Variants in GALNT17 observed in about 807,000 individuals in gnomAD.
The protein encoded by GALNT17 is UDP-GalNAc:polypeptide N-acetylgalactosaminyltransferase-like 3.
GALNT17 carries 29 observed loss-of-function variants against 63.7 expected under a neutral mutation model. The ratio of observed to expected loss-of-function variants is 0.46; its 90% CI spans 0.34 to 0.62. The LOEUF is 0.62. Ranked by LOEUF, GALNT17 falls within the 20% of genes least tolerant of loss-of-function variation. The pLI is 0.01. For synonymous variants in GALNT17, 305 were observed against 318.3 expected (o/e 0.96, Z 0.45); for missense variants, 603 against 799.6 (o/e 0.75, Z 2.97).
In GALNT17 at chr7:71,361,826, G is replaced by A. The variant is rs548058754; in HGVS notation, c.422+26093G>A. 4.6e-5 allele frequency among the ~76,000 whole-genome samples: 7 copies of A among 152,224 alleles called. No homozygotes were observed. The East Asian group carries it at 1.4e-3, about 29-fold the overall frequency. ...AGAGAGACAGAGAGAGAGAGAGAGT[G>A]GGCAGGCAGGAAGATAAAAGGTTGA... On this transcript the variant is annotated intron_variant, in intron 2 of 10. Coordinates refer to ENST00000333538, the MANE Select transcript of GALNT17 (RefSeq NM_022479.3).
intron 2 of GALNT17, among the ~76,000 whole-genome samples, chr7:71,360,863 G>A (rs1482282723): frequency 6.6e-6 from 1 of 152,148 alleles, no homozygotes; most frequent in Non-Finnish European, 1.5e-5. Context: ...GCTTGAACCC[G>A]GGAGGCGGAG....
At chr7:71,400,459 T>A (rs1403093589) in intron 3 of GALNT17, among the ~76,000 whole-genome samples, 1 of 152,226 alleles carries the variant, frequency 6.6e-6, no homozygotes, top group Non-Finnish European at 1.5e-5. Flanking sequence ...TCATTCATAA[T>A]CTTTTTTGGC....
intron 5 of GALNT17, among the ~76,000 whole-genome samples, chr7:71,460,808 C>T (rs1230717358): frequency 6.6e-6 from 1 of 152,182 alleles, no homozygotes; most frequent in African/African-American, 2.4e-5. Context: ...GTTGCCATGG[C>T]ATTTGTAAAC....
chr7:71,687,669 G>A (rs887908308), intron 9 of GALNT17, among the ~76,000 whole-genome samples: 6 of 152,112 alleles, frequency 3.9e-5, no homozygotes, highest in Non-Finnish European at 8.8e-5. Flanking sequence ...GTCAAATCAG[G>A]GGATCTGTAG....
chr7:71,449,176 G>A (rs1026465095), intron 5 of GALNT17, among the ~76,000 whole-genome samples: 3 of 123,468 alleles, frequency 2.4e-5, no homozygotes, highest in Admixed American at 1.1e-4. Context: ...GCAGTGGCGC[G>A]ATCTTGGCTC....
chr7:71,256,127 T>C (rs544024824), intron 1 of GALNT17, among the ~76,000 whole-genome samples: 1 of 152,342 alleles, frequency 6.6e-6, no homozygotes, highest in East Asian at 1.9e-4. Flanking sequence ...TTTCTATTGA[T>C]AATAATTCTT....
At position 71,377,594 on chromosome 7, in the gene GALNT17, A is replaced by G. The variant is rs578071845; in HGVS notation, c.423-10641A>G. On this transcript the variant is annotated intron_variant, in intron 2 of 10. Coordinates refer to ENST00000333538, the MANE Select transcript of GALNT17 (RefSeq NM_022479.3). ...GAATTCTCTCCCCAGCAAAAACAAA[A>G]CAAAACAAAAATTCCTTGTCCATGC... Among the ~76,000 whole-genome samples the G allele has an allele frequency of 2.1e-4, 32 of 152,258 alleles. 2 individuals are homozygous for G. The South Asian group carries it at 5.8e-3, about 28-fold the overall frequency.
chr7:71,544,054 A>T (rs1013710895), intron 5 of GALNT17, among the ~76,000 whole-genome samples: 1 of 151,302 alleles, frequency 6.6e-6, no homozygotes, highest in Admixed American at 6.6e-5. Flanking sequence ...CAGCCCCCCA[A>T]AGGGCCAGGA....
At chr7:71,460,702 T>C (rs930671321) in intron 5 of GALNT17, among the ~76,000 whole-genome samples, 2 of 152,234 alleles carry the variant, frequency 1.3e-5, no homozygotes, top group Non-Finnish European at 2.9e-5. Context: ...GGCTGCTGGT[T>C]GCCCATTTTT....
intron 6 of GALNT17, among the ~76,000 whole-genome samples, chr7:71,664,489 T>C (rs2117043842): frequency 6.6e-6 from 1 of 152,266 alleles, no homozygotes; most frequent in East Asian, 1.9e-4. Context: ...CACGTACCTG[T>C]AGTCCCAGCT....
intron 1 of GALNT17, among the ~76,000 whole-genome samples, chr7:71,152,126 C>T (rs935348180): frequency 6.6e-6 from 1 of 152,022 alleles, no homozygotes; most frequent in Non-Finnish European, 1.5e-5. Context: ...ACCCGTCTTC[C>T]TGCAATTGAA....
intron 1 of GALNT17, among the ~76,000 whole-genome samples, chr7:71,233,915 G>A (rs571269755): frequency 2.0e-5 from 3 of 152,286 alleles, no homozygotes; most frequent in South Asian, 2.1e-4. Context: ...AAGCAGGCAC[G>A]TCTCACATGG....
chr7:71,265,120 T>A (rs10464193), intron 1 of GALNT17, among the ~76,000 whole-genome samples: 207 of 8,748 alleles, frequency 0.024, no homozygotes, highest in East Asian at 0.067. Flanking sequence ...ATATATATAT[T>A]TTTTTTTTTT....
At chr7:71,523,035 G>A (rs1053595006) in intron 5 of GALNT17, among the ~76,000 whole-genome samples, 13 of 152,010 alleles carry the variant, frequency 8.6e-5, no homozygotes, top group African/African-American at 2.2e-4. Context: ...GCGAGACCTC[G>A]TCTCTATGGT....
chr7:71,453,136 A>T (rs954722035), intron 5 of GALNT17, among the ~76,000 whole-genome samples: 3 of 151,978 alleles, frequency 2.0e-5, no homozygotes, highest in Admixed American at 2.0e-4. Context: ...GAGTAAATAA[A>T]CATTTTTTTT....
intron 5 of GALNT17, among the ~76,000 whole-genome samples, chr7:71,423,170 C>T (rs76170553): frequency 0.035 from 5,273 of 152,196 alleles, 138 homozygotes; most frequent in Non-Finnish European, 0.057. Context: ...TTTTTCAGTG[C>T]GAAAACAGAA....
intron 1 of GALNT17, among the ~76,000 whole-genome samples, chr7:71,170,098 G>T (rs1788519428): frequency 6.6e-6 from 1 of 152,004 alleles, no homozygotes; most frequent in Non-Finnish European, 1.5e-5. Context: ...ACTGTGTCTG[G>T]ATCTATTGTT....
intron 1 of GALNT17, among the ~76,000 whole-genome samples, chr7:71,282,440 T>C (rs940718566): frequency 6.6e-6 from 1 of 152,246 alleles, no homozygotes; most frequent in Admixed American, 6.5e-5. Flanking sequence ...GGCCATGTTA[T>C]TCTTTGCCCC....
intron 6 of GALNT17, among the ~76,000 whole-genome samples, chr7:71,651,523 C>G (rs1376573109): frequency 6.6e-6 from 1 of 151,972 alleles, no homozygotes; most frequent in Non-Finnish European, 1.5e-5. Context: ...AGGATGGTCT[C>G]CATCTCTTGA....
Sources: allele counts gnomAD v4.1 joint callset (sites outside exome capture counted in the v4.1 genomes callset), GRCh38; gene constraint gnomAD v4.1.1; transcripts MANE v1.5; gene names NCBI Gene and HGNC (gene_info 2026-07-23, HGNC 2026-07-21).